The following RGS7BP variants were observed in gnomAD, a reference collection of about 807,000 sequenced individuals.
RGS7BP encodes regulator of G protein signaling 7 binding protein.
A neutral mutation model predicts 31.3 loss-of-function variants in RGS7BP; 9 were observed. The observed-to-expected ratio is 0.29, with a 90% CI of 0.17 to 0.50. The LOEUF (loss-of-function observed/expected upper bound fraction) is 0.50, where lower values mean the gene tolerates loss of function less well. RGS7BP is among the 20% of genes least tolerant of loss of function. RGS7BP has a pLI of 0.98. For synonymous variants in RGS7BP, 115 were observed against 120.1 expected (o/e 0.96, Z 0.28); for missense variants, 274 against 322.0 (o/e 0.85, Z 1.14).
rs115399588 is a variant in RGS7BP, at chr5:64,560,014, T to C, written c.333-15760T>C. ...ATGTTTCAGAAATCATTATTTGAGATACCTGAATTCTAATCAGTCTAAATT... is the reference window on the plus strand; with the variant it reads ...ATGTTTCAGAAATCATTATTTGAGACACCTGAATTCTAATCAGTCTAAATT... On this transcript the variant is annotated intron_variant, in intron 2 of 5. Transcript: ENST00000334025. Among the ~76,000 whole-genome samples, 949 of 152,288 alleles carry C rather than the reference T, an allele frequency of 6.2e-3. 9 individuals carry two copies. The highest frequency in any genetic ancestry group is 0.019 in the African/African-American group (798 of 41,574).
intron 2 of RGS7BP, among the ~76,000 whole-genome samples, chr5:64,559,769 A>G (rs1269109262): frequency 6.6e-6 from 1 of 152,190 alleles, no homozygotes; most frequent in Non-Finnish European, 1.5e-5. Context: ...GCATCCTTCC[A>G]ATAGTTACAT....
In RGS7BP at chr5:64,601,413, C is replaced by T. The variant is rs1036525146; in HGVS notation, c.682+2978C>T. ...TCCCCTTTCTACTACAGTCAAAACT[C>T]GGCTCCACAATGGTTTACTTTAAAT... On this transcript the variant is annotated intron_variant, in intron 5 of 5. Coordinates refer to ENST00000334025, the MANE Select transcript of RGS7BP (RefSeq NM_001029875.3). 15 of 977,774 alleles carry T rather than the reference C, an allele frequency of 1.5e-5. No homozygotes were observed. In the African/African-American group the frequency reaches 2.6e-4, roughly 17 times the overall value. The allele number at this position is 977,774 out of a possible 1,614,324, so 60.6% of individuals were successfully genotyped here. A position where few individuals can be genotyped will look rare whatever the true frequency, so the allele number is the denominator to read the frequency against.
At chr5:64,597,150 A>G (rs1743092014) in intron 4 of RGS7BP, among the ~76,000 whole-genome samples, 1 of 152,120 alleles carries the variant, frequency 6.6e-6, no homozygotes, top group Non-Finnish European at 1.5e-5. Context: ...TCTCAAGAGC[A>G]CTTTCTCCAA....
intron 2 of RGS7BP, among the ~76,000 whole-genome samples, chr5:64,540,251 C>T (rs1741493847): frequency 6.6e-6 from 1 of 152,064 alleles, no homozygotes; most frequent in Non-Finnish European, 1.5e-5. Flanking sequence ...ATTACATCCT[C>T]AAGTATATAA....
chr5:64,566,352 T>C (rs1474791230), intron 2 of RGS7BP, among the ~76,000 whole-genome samples: 2 of 152,036 alleles, frequency 1.3e-5, no homozygotes, highest in Non-Finnish European at 2.9e-5. Context: ...AAAGAACATC[T>C]TGTAAGTTAG....
At chr5:64,558,551 A>T (rs1439140238) in intron 2 of RGS7BP, among the ~76,000 whole-genome samples, 1 of 152,148 alleles carries the variant, frequency 6.6e-6, no homozygotes, top group Non-Finnish European at 1.5e-5. Flanking sequence ...TTATTGCATT[A>T]ACTGCACAAA....
At chr5:64,558,616 A>G (rs552804127) in intron 2 of RGS7BP, among the ~76,000 whole-genome samples, 11 of 152,164 alleles carry the variant, frequency 7.2e-5, no homozygotes, top group Non-Finnish European at 1.5e-4. Context: ...CCTTGAAAAA[A>G]GAACAGAATA....
intron 2 of RGS7BP, among the ~76,000 whole-genome samples, chr5:64,547,677 T>G (rs182865628): frequency 1.7e-4 from 26 of 152,342 alleles, no homozygotes; most frequent in Admixed American, 1.6e-3. Flanking sequence ...GTCTCACCCG[T>G]AATTTGAATA....
intron 2 of RGS7BP, among the ~76,000 whole-genome samples, chr5:64,544,650 G>A (rs1449811441): frequency 1.3e-5 from 2 of 151,922 alleles, no homozygotes; most frequent in African/African-American, 4.8e-5. Flanking sequence ...CTCCAGCCGG[G>A]GCAACCAAGC....
chr5:64,594,932 G>T, intron 4 of RGS7BP, 75 bp downstream of exon 4: 1 of 1,473,368 alleles, frequency 6.8e-7, no homozygotes, highest in Non-Finnish European at 9.4e-7. Flanking sequence ...AGAGAGACGA[G>T]GTTTTCTAGT....
chr5:64,527,267 G>C (rs1363061853), intron 2 of RGS7BP, among the ~76,000 whole-genome samples: 2 of 152,176 alleles, frequency 1.3e-5, no homozygotes, highest in African/African-American at 2.4e-5. Flanking sequence ...TAATCCTGCA[G>C]CAAATTAGAG....
At chr5:64,551,297 C>G (rs1741789375) in intron 2 of RGS7BP, among the ~76,000 whole-genome samples, 1 of 148,060 alleles carries the variant, frequency 6.8e-6, no homozygotes, top group South Asian at 2.1e-4. Context: ...GAGTCTCACT[C>G]TGTCTCCCAG....
At chr5:64,564,812 CG>C (rs1218838613) in intron 2 of RGS7BP, among the ~76,000 whole-genome samples, 1 of 151,900 alleles carries the variant, frequency 6.6e-6, no homozygotes, top group Non-Finnish European at 1.5e-5. Flanking sequence ...GCAGTCTGGG[CG>C]GGGGTCTCTG....
intron 2 of RGS7BP, among the ~76,000 whole-genome samples, chr5:64,556,122 A>T (rs190448288): frequency 6.6e-6 from 1 of 152,000 alleles, no homozygotes; most frequent in African/African-American, 2.4e-5. Context: ...TCTTCCATCA[A>T]TCGGTACATT....
In RGS7BP at chr5:64,575,899, G is replaced by A. The variant is rs151111266; in HGVS notation, c.458G>A (p.Arg153Gln). Residue 153 changes from arginine to glutamine, a missense_variant, in exon 3 of 6, where the codon CGA becomes CAA. Transcript: ENST00000334025. ...ICLLGSLQFH[R>Q]KGKEPGGGTK... ...CTGCTGGGGTCTCTTCAGTTTCATCGAAAAGGTATCTACATTTAATATTGC... is the reference window on the plus strand; with the variant it reads ...CTGCTGGGGTCTCTTCAGTTTCATCAAAAAGGTATCTACATTTAATATTGC... The A allele has an allele frequency of 2.4e-5, 38 of 1,604,976 alleles. 1 individual carries two copies. The highest frequency in any genetic ancestry group is 1.8e-4 in the South Asian group (16 of 89,224).
Position 64,512,719 on chromosome 5 carries a change from G to A in RGS7BP, c.332+4842G>A, listed in dbSNP as rs149393429. 9.3e-4 allele frequency among the ~76,000 whole-genome samples: 142 copies of A among 152,164 alleles called. No individual in the cohort carries two copies. The Middle Eastern group carries it at 0.01, about 11-fold the overall frequency. On this transcript the variant is annotated intron_variant, in intron 2 of 5. Coordinates refer to ENST00000334025, the MANE Select transcript of RGS7BP (RefSeq NM_001029875.3). ...ATTTTCCAAATAAATACTTTGGCTG[G>A]AATAAATCTTTGTTTACCTTGGTTT...
chr5:64,556,137 C>A (rs1180343728), intron 2 of RGS7BP, among the ~76,000 whole-genome samples: 1 of 152,020 alleles, frequency 6.6e-6, no homozygotes, highest in African/African-American at 2.4e-5. Context: ...TACATTGCTT[C>A]ACCTCCTCTT....
At chr5:64,519,455 G>C (rs1749055102) in intron 2 of RGS7BP, among the ~76,000 whole-genome samples, 1 of 152,204 alleles carries the variant, frequency 6.6e-6, no homozygotes, top group African/African-American at 2.4e-5. Context: ...ATAGGCAGAG[G>C]ATACAGTAGA....
chr5:64,532,127 G>T (rs1001552241), intron 2 of RGS7BP, among the ~76,000 whole-genome samples: 1 of 152,068 alleles, frequency 6.6e-6, no homozygotes, highest in Non-Finnish European at 1.5e-5. Flanking sequence ...TTCAGAAAAT[G>T]AAAAAGAAGG....
Sources: gnomAD v4.1 joint callset for allele counts (sites outside exome capture counted in the v4.1 genomes callset) on GRCh38, gnomAD v4.1.1 for gene constraint, MANE v1.5 for transcripts, NCBI Gene and HGNC (gene_info 2026-07-23, HGNC 2026-07-21) for gene names.